KCNQ1: variants seen among roughly 807,000 people sequenced by gnomAD.
KCNQ1 encodes potassium voltage-gated channel subfamily KQT member 1.
KCNQ1 carries 49 observed loss-of-function variants against 72.4 expected under a neutral mutation model. The ratio of observed to expected loss-of-function variants is 0.68; its 90% CI spans 0.54 to 0.86. KCNQ1 has a LOEUF of 0.86. KCNQ1 is among the 40% of genes least tolerant of loss of function. The pLI is 0.00. For missense variants in KCNQ1, 790 were observed against 945.1 expected, an observed-to-expected ratio of 0.84 and a Z score of 2.15; for synonymous variants, 450 against 412.6, an observed-to-expected ratio of 1.09 and a Z score of -1.10.
Position 2,445,146 on chromosome 11 carries a change from T to A in KCNQ1, c.48T>A (p.Gly16=). The A allele has an allele frequency of 8.9e-7, 1 of 1,128,340 alleles. No homozygotes were observed. The highest frequency in any genetic ancestry group is 1.1e-6 in the Non-Finnish European group (1 of 918,660). 69.9% of individuals were successfully genotyped at this position (1,128,340 alleles called of 1,614,324 possible). A position where few individuals can be genotyped will look rare whatever the true frequency, so the allele number is the denominator to read the frequency against. The change falls in exon 1 of 16, where the codon GGT becomes GGA. Residue 16 remains glycine, a synonymous_variant. Coordinates refer to ENST00000155840, the MANE Select transcript of KCNQ1 (RefSeq NM_000218.3). ...SPPRAERKRW[G]WGRLPGARRG... is the part of the protein sequence containing the mutation. ...CCAGGGCCGAGAGGAAGCGCTGGGG[T>A]TGGGGCCGCCTGCCAGGCGCCCGGC...
At chr11:2,770,633 C>T (rs1846579354) in intron 12 of KCNQ1, among the ~76,000 whole-genome samples, 1 of 152,264 alleles carries the variant, frequency 6.6e-6, no homozygotes. Flanking sequence ...CCCAGCAGTG[C>T]CTGGGACCTC....
chr11:2,692,568 A>G (rs1850606172), intron 11 of KCNQ1: 3 of 398,608 alleles, frequency 7.5e-6, no homozygotes, highest in East Asian at 3.6e-5. Flanking sequence ...ACTTTCCCCA[A>G]GGGAGTTTTT....
chr11:2,574,599 C>T (rs552699438), intron 6 of KCNQ1, among the ~76,000 whole-genome samples: 40 of 152,288 alleles, frequency 2.6e-4, no homozygotes, highest in African/African-American at 8.7e-4. Context: ...CAGAGCATAT[C>T]TGGGTGGGGT....
intron 10 of KCNQ1, chr11:2,631,121 T>C: frequency 1.0e-5 from 4 of 398,602 alleles, no homozygotes; most frequent in Non-Finnish European, 1.8e-5. Context: ...TCCATCAATC[T>C]GGGAAGAGCC....
At chr11:2,466,043 AT>A (rs1232896508) in intron 1 of KCNQ1, among the ~76,000 whole-genome samples, 1 of 152,078 alleles carries the variant, frequency 6.6e-6, no homozygotes, top group Non-Finnish European at 1.5e-5. Context: ...CGGGCTGGCT[AT>A]GGGGGCATTG....
At chr11:2,452,123 C>G (rs536242746) in intron 1 of KCNQ1, among the ~76,000 whole-genome samples, 1 of 152,056 alleles carries the variant, frequency 6.6e-6, no homozygotes, top group East Asian at 1.9e-4. Context: ...GGCGGGGGCT[C>G]TTAGCTTTCC....
chr11:2,656,998 G>A (rs1415264863), intron 10 of KCNQ1: 1 of 398,496 alleles, frequency 2.5e-6, no homozygotes, highest in East Asian at 3.6e-5. Context: ...TTCCCAGGAT[G>A]TGCAGGCCAC....
intron 6 of KCNQ1, among the ~76,000 whole-genome samples, chr11:2,573,759 G>A (rs548790931): frequency 1.3e-5 from 2 of 152,374 alleles, no homozygotes; most frequent in East Asian, 1.9e-4. Context: ...CTGTGCGGGA[G>A]GGGTGGGGCA....
Position 2,793,848 on chromosome 11 carries a change from C to T in KCNQ1, c.1794+15811C>T, listed in dbSNP as rs139108210. ...ACAGCCCCATGGCTGGGCAGGGGGA[C>T]GCACATAGTGACCCGTAATTACATA... On this transcript the variant is annotated intron_variant, in intron 15 of 15. Transcript: ENST00000155840. 1.3e-3 allele frequency among the ~76,000 whole-genome samples: 196 copies of T among 152,278 alleles called. 3 individuals carry two copies. The highest frequency in any genetic ancestry group is 4.2e-3 in the African/African-American group (174 of 41,554).
Position 2,498,855 on chromosome 11 carries a change from C to T in KCNQ1, c.387-29073C>T, listed in dbSNP as rs1288862378. Among the ~76,000 whole-genome samples, 11 of 152,356 alleles carry T rather than the reference C, an allele frequency of 7.2e-5. No individual in the cohort carries two copies. The highest frequency in any genetic ancestry group is 2.1e-4 in the South Asian group (1 of 4,828). On this transcript the variant is annotated intron_variant, in intron 1 of 15. Coordinates refer to ENST00000155840, the MANE Select transcript of KCNQ1 (RefSeq NM_000218.3). This position sits in a 1 kb window ranked among gnomAD's most constrained non-coding sequence, Gnocchi z 4.8. Reference sequence around the variant, plus strand: ...TCTCCTGATCTGCAGATTGCAAAACCCATGGGAAAAGCATAGTATCCAGGC... The same window carrying T: ...TCTCCTGATCTGCAGATTGCAAAACTCATGGGAAAAGCATAGTATCCAGGC...
In KCNQ1 at chr11:2,599,558, A is replaced by C. The variant is rs1589974835; in HGVS notation, c.1393+10704A>C. ...TTCCAGGATGTATTAGTTTGCTAGGACTGCCATAACAAAATACCACAGGCT... is the reference window on the plus strand; with the variant it reads ...TTCCAGGATGTATTAGTTTGCTAGGCCTGCCATAACAAAATACCACAGGCT... On this transcript the variant is annotated intron_variant, in intron 10 of 15. Transcript: ENST00000155840. This position sits in a 1 kb window ranked among gnomAD's most constrained non-coding sequence, Gnocchi z 4.7. Among the ~76,000 whole-genome samples, 1 of 152,224 alleles carries C rather than the reference A, an allele frequency of 6.6e-6. No homozygotes were observed. Among genetic ancestry groups the C allele is most frequent in the South Asian group, 2.1e-4 (1 of 4,830 alleles).
intron 1 of KCNQ1, among the ~76,000 whole-genome samples, chr11:2,467,369 G>A (rs925361213): frequency 1.3e-5 from 2 of 152,176 alleles, no homozygotes; most frequent in Non-Finnish European, 2.9e-5. Context: ...TCCTCACGGA[G>A]GAGGCTGCTC....
rs1260160815 is a variant in KCNQ1, at chr11:2,824,308, GAC to G, written c.1795-23457_1795-23456del. ...AGGCTAGGCCCAGGGGTGGAAAGAA[GAC>G]AGATACGAGAGGGGATTTGGAGACA... On this transcript the variant is annotated intron_variant, in intron 15 of 15. Transcript: ENST00000155840. The surrounding 1 kb of genome is among the most constrained non-coding windows in gnomAD (Gnocchi z 5.9). Among the ~76,000 whole-genome samples the G allele has an allele frequency of 6.6e-6, 1 of 152,136 alleles. No individual in the cohort carries two copies. Among genetic ancestry groups the G allele is most frequent in the East Asian group, 1.9e-4 (1 of 5,180 alleles).
At chr11:2,771,741 G>A (rs2133984375) in intron 12 of KCNQ1, among the ~76,000 whole-genome samples, 1 of 152,276 alleles carries the variant, frequency 6.6e-6, no homozygotes, top group African/African-American at 2.4e-5. Flanking sequence ...GAGGGACAGA[G>A]AGAGAGAGAG....
In KCNQ1 at chr11:2,679,757, T is replaced by G; in HGVS notation, c.1514+17676T>G. On this transcript the variant is annotated intron_variant, in intron 11 of 15. Coordinates refer to ENST00000155840, the MANE Select transcript of KCNQ1 (RefSeq NM_000218.3). The surrounding 1 kb of genome is among the most constrained non-coding windows in gnomAD (Gnocchi z 4.8). Reference sequence around the variant, plus strand: ...GTGGACAGTGATGATGGGAAAATAGTCCCTGCTGCACACTAGGGCCTGTTA... The same window carrying G: ...GTGGACAGTGATGATGGGAAAATAGGCCCTGCTGCACACTAGGGCCTGTTA... 1 of 398,590 alleles carries G rather than the reference T, an allele frequency of 2.5e-6. No homozygotes were observed. The highest frequency in any genetic ancestry group is 4.4e-6 in the Non-Finnish European group (1 of 226,048). The allele number at this position is 398,590 out of a possible 1,614,324, so 24.7% of individuals were successfully genotyped here.
In KCNQ1 at chr11:2,800,820, G is replaced by A. The variant is rs118130978; in HGVS notation, c.1794+22783G>A. 7.7e-3 allele frequency among the ~76,000 whole-genome samples: 1,171 copies of A among 152,306 alleles called. 5 individuals are homozygous for A. The highest frequency in any genetic ancestry group is 0.013 in the Non-Finnish European group (873 of 68,032). On this transcript the variant is annotated intron_variant, in intron 15 of 15. Coordinates refer to ENST00000155840, the MANE Select transcript of KCNQ1 (RefSeq NM_000218.3). ...GCTGTCCACTCAGTGACCATCTGCC[G>A]TCACCATTCCCCAAGTTATGGGAGA...
rs1325612071 is a variant in KCNQ1 at position 2,515,367 on chromosome 11, T to C, written c.387-12561T>C. Among the ~76,000 whole-genome samples, 5 of 152,184 alleles carry C rather than the reference T, an allele frequency of 3.3e-5. No homozygotes were observed. Among genetic ancestry groups the C allele is most frequent in the African/African-American group, 1.2e-4 (5 of 41,438 alleles). On this transcript the variant is annotated intron_variant, in intron 1 of 15. Transcript: ENST00000155840. This position sits in a 1 kb window ranked among gnomAD's most constrained non-coding sequence, Gnocchi z 4.7. ...AAAGGACATGATTTCATTCACTTCT[T>C]GGAGGCTTTAACGCCTGCCCTGTGT...
chr11:2,616,370 GTTTA>G, intron 10 of KCNQ1: 1 of 397,568 alleles, frequency 2.5e-6, no homozygotes, highest in East Asian at 3.6e-5. Context: ...TATCTCTGTT[GTTTA>G]TTTAAGCTCG....
intron 10 of KCNQ1, among the ~76,000 whole-genome samples, chr11:2,604,843 G>A (rs897982635): frequency 1.3e-5 from 2 of 152,148 alleles, no homozygotes; most frequent in African/African-American, 2.4e-5. Flanking sequence ...GCACCTGGCC[G>A]ATAACTATCT....
Sources: allele counts gnomAD v4.1 joint callset (sites outside exome capture counted in the v4.1 genomes callset), GRCh38; gene constraint gnomAD v4.1.1; non-coding constraint Gnocchi (gnomAD v3.1); transcripts MANE v1.5; gene names NCBI Gene and HGNC (gene_info 2026-07-23, HGNC 2026-07-21).